Variants in SGCZ observed in about 807,000 individuals in gnomAD.
The protein encoded by SGCZ is zeta-sarcoglycan.
Under a neutral mutation model 41.3 loss-of-function variants are expected in SGCZ, and 40 were observed. That is an observed-to-expected ratio of 0.97 (90% CI 0.75 to 1.26). The LOEUF (loss-of-function observed/expected upper bound fraction) is 1.26, where lower values mean the gene tolerates loss of function less well. SGCZ is among the 50% of genes most tolerant of loss of function. The pLI is 0.00. For missense variants in SGCZ, 552 were observed against 369.8 expected, an observed-to-expected ratio of 1.49 and a Z score of -4.04; for synonymous variants, 206 against 137.5, an observed-to-expected ratio of 1.50 and a Z score of -3.49.
At chr8:14,182,924 C>A (rs1050500513) in intron 4 of SGCZ, among the ~76,000 whole-genome samples, 1 of 150,112 alleles carries the variant, frequency 6.7e-6, no homozygotes, top group African/African-American at 2.5e-5. Context: ...ACAGGAGAAT[C>A]GCTTGAACCC....
chr8:14,790,912 T>C (rs1340044106), intron 1 of SGCZ, among the ~76,000 whole-genome samples: 1 of 151,492 alleles, frequency 6.6e-6, no homozygotes, highest in Non-Finnish European at 1.5e-5. Context: ...GCATCTGTAA[T>C]CCTACCCACT....
chr8:14,340,059 G>A (rs185829638), intron 2 of SGCZ, among the ~76,000 whole-genome samples: 1 of 152,060 alleles, frequency 6.6e-6, no homozygotes, highest in African/African-American at 2.4e-5. Context: ...TTCTACACGT[G>A]AAGTTAAAAA....
chr8:14,575,781 CT>C (rs1804688777), intron 1 of SGCZ, among the ~76,000 whole-genome samples: 1 of 151,968 alleles, frequency 6.6e-6, no homozygotes, highest in Non-Finnish European at 1.5e-5. Context: ...CGGAACATGC[CT>C]GTAATCCCAG....
intron 1 of SGCZ, among the ~76,000 whole-genome samples, chr8:15,127,428 G>A (rs1228590088): frequency 2.0e-5 from 3 of 152,090 alleles, no homozygotes; most frequent in Non-Finnish European, 4.4e-5. Flanking sequence ...ACGTAACTCA[G>A]GACTTACTAG....
intron 4 of SGCZ, among the ~76,000 whole-genome samples, chr8:14,182,961 G>C (rs773759701): frequency 1.4e-5 from 2 of 138,616 alleles, no homozygotes; most frequent in South Asian, 2.2e-4. Flanking sequence ...AGTGAGCCGA[G>C]ATCGTGCCAT....
chr8:14,710,369 C>CAAAAAAAAAAAAAAAAAAAAAAAAAA (rs770994264), intron 1 of SGCZ, among the ~76,000 whole-genome samples: 1 of 92,432 alleles, frequency 1.1e-5, no homozygotes, highest in African/African-American at 3.7e-5. Flanking sequence ...GACTCCGCAT[C>CAAAAAAAAAAAAAAAAAAAAAAAAAA]AAAAAAAAAA....
At chr8:14,843,798 T>C (rs1004143352) in intron 1 of SGCZ, among the ~76,000 whole-genome samples, 1 of 152,010 alleles carries the variant, frequency 6.6e-6, no homozygotes, top group African/African-American at 2.4e-5. Context: ...TTAATTGCCT[T>C]ACATTGCCTT....
chr8:14,349,513 A>G (rs1186169894), intron 2 of SGCZ, among the ~76,000 whole-genome samples: 2 of 152,138 alleles, frequency 1.3e-5, no homozygotes, highest in African/African-American at 2.4e-5. Flanking sequence ...GCATGTGTCA[A>G]TTTAGGATTT....
At chr8:14,822,596 A>T (rs1297299510) in intron 1 of SGCZ, among the ~76,000 whole-genome samples, 2 of 152,216 alleles carry the variant, frequency 1.3e-5, no homozygotes, top group African/African-American at 4.8e-5. Context: ...AAGCTATAGA[A>T]ACCAAAACAG....
rs573950700 is a variant in SGCZ at position 14,677,254 on chromosome 8, A to G, written c.40-122328T>C. 4.5e-4 allele frequency among the ~76,000 whole-genome samples: 69 copies of G among 152,114 alleles called. 1 individual carries two copies. The highest frequency in any genetic ancestry group is 1.6e-3 in the African/African-American group (68 of 41,564). On this transcript the variant is annotated intron_variant, in intron 1 of 7. Transcript: ENST00000382080. The stretch of plus-strand genomic sequence containing the variant: ...TACTTAGAAGTAAATCTAGAAAAAT[A>G]TAAAAGATATATATAAAGAAAATTA...
At chr8:14,789,445 A>C (rs1267386462) in intron 1 of SGCZ, among the ~76,000 whole-genome samples, 2 of 152,208 alleles carry the variant, frequency 1.3e-5, no homozygotes, top group Non-Finnish European at 2.9e-5. Context: ...TCAGCAAGTA[A>C]GCAAATTCAC....
chr8:14,305,974 C>T (rs558468189), intron 3 of SGCZ, among the ~76,000 whole-genome samples: 1 of 152,276 alleles, frequency 6.6e-6, no homozygotes, highest in Admixed American at 6.5e-5. Context: ...ACCATCATAC[C>T]GACTTAGACA....
At chr8:14,808,533 C>A (rs1005657442) in intron 1 of SGCZ, among the ~76,000 whole-genome samples, 1 of 152,074 alleles carries the variant, frequency 6.6e-6, no homozygotes, top group Non-Finnish European at 1.5e-5. Context: ...CAATGAGATA[C>A]CATCTCACAC....
chr8:14,742,775 G>A (rs112712291), intron 1 of SGCZ, among the ~76,000 whole-genome samples: 254 of 152,176 alleles, frequency 1.7e-3, no homozygotes, highest in African/African-American at 5.2e-3. Context: ...ACATAAGGAA[G>A]AGGTTAGAAG....
chr8:14,188,686 T>C (rs1266371823), intron 4 of SGCZ, among the ~76,000 whole-genome samples: 8 of 152,220 alleles, frequency 5.3e-5, no homozygotes. Context: ...ATGAATTGTA[T>C]GATATGTGAA....
chr8:14,359,610 C>T (rs1803430332), intron 2 of SGCZ, among the ~76,000 whole-genome samples: 1 of 151,790 alleles, frequency 6.6e-6, no homozygotes, highest in African/African-American at 2.4e-5. Flanking sequence ...AGGAATTAAA[C>T]AATACACTCC....
At chr8:15,117,147 G>A (rs1279144889) in intron 1 of SGCZ, among the ~76,000 whole-genome samples, 3 of 152,104 alleles carry the variant, frequency 2.0e-5, no homozygotes, top group African/African-American at 4.8e-5. Flanking sequence ...CAAGGCAGGC[G>A]GATAACGAGG....
intron 1 of SGCZ, among the ~76,000 whole-genome samples, chr8:15,193,188 T>G (rs899866115): frequency 6.6e-6 from 1 of 152,030 alleles, no homozygotes; most frequent in African/African-American, 2.4e-5. Flanking sequence ...TTATTTCTCT[T>G]AATTTTTCAA....
At chr8:14,800,588 T>C (rs779999259) in intron 1 of SGCZ, among the ~76,000 whole-genome samples, 1 of 152,154 alleles carries the variant, frequency 6.6e-6, no homozygotes, top group Non-Finnish European at 1.5e-5. Flanking sequence ...GTTTTCCTGA[T>C]AGAGTTCCCA....
Sources: allele counts gnomAD v4.1 joint callset (sites outside exome capture counted in the v4.1 genomes callset), GRCh38; gene constraint gnomAD v4.1.1; transcripts MANE v1.5; gene names NCBI Gene and HGNC (gene_info 2026-07-23, HGNC 2026-07-21).